ALG6: variants seen among roughly 807,000 people sequenced by gnomAD.
ALG6 encodes the protein dolichyl pyrophosphate Man9GlcNAc2 alpha-1,3-glucosyltransferase.
ALG6 carries 46 observed loss-of-function variants against 66.6 expected under a neutral mutation model. The ratio of observed to expected loss-of-function variants is 0.69; its 90% confidence interval spans 0.55 to 0.88. ALG6 has a LOEUF of 0.88. Among genes scored for constraint, ALG6 ranks in the 40% least tolerant of loss-of-function variants. ALG6 has a pLI of 0.00. For missense variants in ALG6, 505 were observed against 586.8 expected, an observed-to-expected ratio of 0.86 and a Z score of 1.44; for synonymous variants, 185 against 203.7, an observed-to-expected ratio of 0.91 and a Z score of 0.78.
At chr1:63,410,668 A>G (rs1420665350) in intron 7 of ALG6, among the ~76,000 whole-genome samples, 2 of 152,192 alleles carry the variant, frequency 1.3e-5, no homozygotes, top group Non-Finnish European at 2.9e-5. Flanking sequence ...TAATTGTGAT[A>G]TTGTTTTAAT....
At chr1:63,405,820 T>G (rs1286062375) in intron 5 of ALG6, among the ~76,000 whole-genome samples, 1 of 152,092 alleles carries the variant, frequency 6.6e-6, no homozygotes, top group African/African-American at 2.4e-5. Flanking sequence ...AAATTATGAA[T>G]TGCTTTTCTT....
chr1:63,411,012 A>T (rs201128519), intron 7 of ALG6, 134 bp from the exon 8 acceptor site: 1 of 825,048 alleles, frequency 1.2e-6, no homozygotes, highest in Non-Finnish European at 1.9e-6. Context: ...TTCATTGTAT[A>T]TGTTATTTTA....
At chr1:63,400,597 A>T (rs2100411131) in intron 3 of ALG6, among the ~76,000 whole-genome samples, 1 of 151,870 alleles carries the variant, frequency 6.6e-6, no homozygotes, top group East Asian at 1.9e-4. Context: ...GCATGCTTGC[A>T]GCTTACTGTC....
chr1:63,370,740 T>C, intron 1 of ALG6, 31 bp from the exon 2 acceptor site: 1 of 528,898 alleles, frequency 1.9e-6, no homozygotes, highest in South Asian at 2.0e-5. Context: ...TGTACTCAGC[T>C]GAATCTTGAT....
intron 2 of ALG6, among the ~76,000 whole-genome samples, chr1:63,374,364 A>T (rs1421981355): frequency 1.3e-5 from 2 of 152,204 alleles, no homozygotes; most frequent in Non-Finnish European, 2.9e-5. Flanking sequence ...GCCGTGGCTC[A>T]CGCCTGTAAT....
At chr1:63,379,283 C>T (rs1223797939) in intron 2 of ALG6, among the ~76,000 whole-genome samples, 2 of 152,104 alleles carry the variant, frequency 1.3e-5, no homozygotes, top group African/African-American at 4.8e-5. Flanking sequence ...TAACAAAAAT[C>T]AAACTAAATT....
At chr1:63,419,500 A>G in intron 12 of ALG6, 60 bp downstream of exon 12, 1 of 1,169,478 alleles carries the variant, frequency 8.6e-7, no homozygotes, top group Non-Finnish European at 1.2e-6. Context: ...TATAATTTAC[A>G]TACAAATATA....
intron 9 of ALG6, chr1:63,413,536 C>T (rs961951547): frequency 1.3e-5 from 2 of 154,826 alleles, no homozygotes; most frequent in South Asian, 2.0e-4. Flanking sequence ...GAACGGATTT[C>T]ACCACCAGGA....
chr1:63,435,150 A>G (rs1644671251), intron 14 of ALG6, among the ~76,000 whole-genome samples: 1 of 152,212 alleles, frequency 6.6e-6, no homozygotes, highest in Non-Finnish European at 1.5e-5. Flanking sequence ...AAGACTGGAC[A>G]CAGCATGTTT....
rs35604168 is a variant in ALG6, at chr1:63,411,329, G to T, written c.678G>T (p.Lys226Asn). Residue 226 changes from lysine (K) to asparagine (N), a missense_variant and splice_region_variant, in exon 8 of 15, where the codon AAG becomes AAT. Physicochemically the swap from Lys to Asn is moderately conservative, Grantham distance 94. Coordinates refer to ENST00000263440, the MANE Select transcript of ALG6 (RefSeq NM_013339.4). ...GKCFKKGLKG[K>N]GFVLLVKLAC... ...GTTTTAAAAAAGGCCTCAAAGGAAA[G>T]GGGTGAGTGACTTTTAAACACTAGA... 4,136 of 1,613,270 alleles carry T rather than the reference G, an allele frequency of 2.6e-3. 67 individuals are homozygous for T. In the African/African-American group the frequency reaches 0.049, roughly 19 times the overall value.
chr1:63,404,617 T>C, intron 5 of ALG6, 76 bp downstream of exon 5: 1 of 1,165,978 alleles, frequency 8.6e-7, no homozygotes. Context: ...GGTACTATTA[T>C]TGTTCTTACT....
Position 63,400,282 on chromosome 1 carries a change from CGTATATATAT to C in ALG6, c.168-1971_168-1962del, listed in dbSNP as rs1644452873. On this transcript the variant is annotated intron_variant, in intron 3 of 14. Transcript: ENST00000263440. Reference sequence around the variant, plus strand: ...ATATATATATACGTATATATATATACGTATATATATATACGTATATATATGTATATATATA... The same window carrying C: ...ATATATATATACGTATATATATATACATACGTATATATATGTATATATATA... Among the ~76,000 whole-genome samples, 43 of 12,586 alleles carry C rather than the reference CGTATATATAT, an allele frequency of 3.4e-3. 8 individuals carry two copies. The highest frequency in any genetic ancestry group is 0.1 in the Middle Eastern group (1 of 10). 8.3% of individuals were successfully genotyped at this position (12,586 alleles called of 152,430 possible).
intron 14 of ALG6, among the ~76,000 whole-genome samples, chr1:63,434,317 C>T (rs1006040142): frequency 6.6e-6 from 1 of 152,138 alleles, no homozygotes; most frequent in Non-Finnish European, 1.5e-5. Flanking sequence ...TTCAAGATGA[C>T]TCCAAGGTTT....
At chr1:63,400,342 T>TAC (rs1644456969) in intron 3 of ALG6, among the ~76,000 whole-genome samples, 2 of 110,224 alleles carry the variant, frequency 1.8e-5, no homozygotes, top group African/African-American at 8.2e-5. Context: ...TATACGTATA[T>TAC]ATATATGTAT....
intron 14 of ALG6, among the ~76,000 whole-genome samples, chr1:63,430,381 G>A (rs977560973): frequency 6.6e-6 from 1 of 152,142 alleles, no homozygotes; most frequent in Non-Finnish European, 1.5e-5. Flanking sequence ...AAGGTATTGA[G>A]TGCACATATG....
intron 2 of ALG6, among the ~76,000 whole-genome samples, chr1:63,392,245 A>C (rs1648695458): frequency 6.6e-6 from 1 of 151,382 alleles, no homozygotes; most frequent in African/African-American, 2.4e-5. Context: ...ATCTCGGCTC[A>C]CTGCAACCTC....
intron 4 of ALG6, among the ~76,000 whole-genome samples, 169 bp from the exon 5 acceptor site, chr1:63,404,284 T>A (rs1185502015): frequency 6.6e-6 from 1 of 152,190 alleles, no homozygotes; most frequent in African/African-American, 2.4e-5. Flanking sequence ...ATAGCTTAAG[T>A]CAGTTTCACA....
intron 12 of ALG6, among the ~76,000 whole-genome samples, chr1:63,422,298 GATATAA>G (rs1479844711): frequency 3.3e-5 from 2 of 60,936 alleles, no homozygotes; most frequent in Non-Finnish European, 5.6e-5. Context: ...TATTTATATA[GATATAA>G]ATATATATCT....
chr1:63,436,056 C>T (rs943161829), intron 14 of ALG6, among the ~76,000 whole-genome samples: 3 of 152,222 alleles, frequency 2.0e-5, no homozygotes, highest in Admixed American at 6.5e-5. Context: ...CATGTGCCTT[C>T]GTGTGCTTTA....
Sources: gnomAD v4.1 joint callset for allele counts (sites outside exome capture counted in the v4.1 genomes callset) on GRCh38, gnomAD v4.1.1 for gene constraint, MANE v1.5 for transcripts, NCBI Gene and HGNC (gene_info 2026-07-23, HGNC 2026-07-21) for gene names.